Variants in MPPED1 observed in about 807,000 individuals in gnomAD.
MPPED1 encodes metallophosphoesterase domain containing 1, also known as metallophosphoesterase domain-containing protein 1.
Under a neutral mutation model 36.2 loss-of-function variants are expected in MPPED1, and 16 were observed. The observed-to-expected ratio is 0.44, with a 90% CI of 0.30 to 0.67. The LOEUF (loss-of-function observed/expected upper bound fraction) is 0.67. MPPED1 is among the 30% of genes least tolerant of loss of function. MPPED1 has a pLI of 0.10. For missense variants in MPPED1, 307 were observed against 453.4 expected (o/e 0.68, Z 2.93); for synonymous variants, 199 against 191.3 (o/e 1.04, Z -0.33).
At chr22:43,482,279 T>C (rs892585802) in intron 4 of MPPED1, among the ~76,000 whole-genome samples, 2 of 152,172 alleles carry the variant, frequency 1.3e-5, no homozygotes, top group Non-Finnish European at 2.9e-5. Flanking sequence ...TAATTACTTC[T>C]GGTATTTTGA....
intron 4 of MPPED1, among the ~76,000 whole-genome samples, chr22:43,480,288 T>C (rs957815584): frequency 6.6e-6 from 1 of 152,158 alleles, no homozygotes; most frequent in Non-Finnish European, 1.5e-5. Flanking sequence ...GGCAGGGGCC[T>C]GTGACTGTTG....
At chr22:43,451,252 G>T (rs928935652) in intron 3 of MPPED1, among the ~76,000 whole-genome samples, 2 of 152,066 alleles carry the variant, frequency 1.3e-5, no homozygotes, top group East Asian at 1.9e-4. Flanking sequence ...TGATCCACCC[G>T]CCTCGGCCTC....
intron 5 of MPPED1, among the ~76,000 whole-genome samples, chr22:43,500,846 G>C (rs1932712708): frequency 6.6e-6 from 1 of 152,210 alleles, no homozygotes; most frequent in South Asian, 2.1e-4. Context: ...GATGACTGCT[G>C]TTAGGCTGCA....
chr22:43,479,645 T>G (rs1288460953), intron 4 of MPPED1, among the ~76,000 whole-genome samples: 1 of 152,188 alleles, frequency 6.6e-6, no homozygotes, highest in African/African-American at 2.4e-5. Context: ...AGGGCCACAG[T>G]TCCTCTGCCT....
rs4331615 is a variant in MPPED1, at chr22:43,435,136, C to T, written c.327C>T (p.Tyr109=). Residue 109 remains tyrosine, a synonymous_variant, in exon 3 of 7, where the codon TAC becomes TAT. Transcript: ENST00000443721. ...GGACGGACCCCATCCAGATGCCGTACGGCGACGTGCTGATCCACGCTGGGG... is the reference window on the plus strand; with the variant it reads ...GGACGGACCCCATCCAGATGCCGTATGGCGACGTGCTGATCCACGCTGGGG... ...HSRTDPIQMP[Y]GDVLIHAGDF... is the part of the protein sequence containing the mutation. 0.5 allele frequency: 808,367 copies of T among 1,613,388 alleles called. 209,455 individuals carry two copies. Among genetic ancestry groups the T allele is most frequent in the Non-Finnish European group, 0.54 (633,282 of 1,179,768 alleles).
At chr22:43,488,656 C>T (rs549310082) in intron 4 of MPPED1, among the ~76,000 whole-genome samples, 40 of 152,156 alleles carry the variant, frequency 2.6e-4, no homozygotes, top group African/African-American at 8.9e-4. Flanking sequence ...TGGGTTTGTT[C>T]ACATTCTAAT....
chr22:43,502,874 CTTTGTAACT>C lies in MPPED1; in HGVS notation c.862+118_862+126del. On this transcript the variant is annotated intron_variant, in intron 6 of 6. Coordinates refer to ENST00000443721, the MANE Select transcript of MPPED1 (RefSeq NM_001044370.2). This position sits in a 1 kb window ranked among gnomAD's most constrained non-coding sequence, Gnocchi z 5.5. The stretch of plus-strand genomic sequence containing the variant: ...ATAAATAGCCCATTCCTACTGTTCG[CTTTGTAACT>C]GCTAACTGCCATACACACCCTGGCT... 2 of 829,782 alleles carry C rather than the reference CTTTGTAACT, an allele frequency of 2.4e-6. No homozygotes were observed. Among genetic ancestry groups the C allele is most frequent in the Non-Finnish European group, 4.0e-6 (2 of 494,978 alleles). 51.4% of individuals were successfully genotyped at this position (829,782 alleles called of 1,614,324 possible).
At chr22:43,462,064 C>T (rs1474296356) in intron 3 of MPPED1, among the ~76,000 whole-genome samples, 1 of 152,056 alleles carries the variant, frequency 6.6e-6, no homozygotes, top group Non-Finnish European at 1.5e-5. Flanking sequence ...AGCACTCGGA[C>T]CCTCAGAATC....
At chr22:43,470,147 T>C (rs944790775) in intron 3 of MPPED1, among the ~76,000 whole-genome samples, 6 of 151,106 alleles carry the variant, frequency 4.0e-5, no homozygotes, top group African/African-American at 1.5e-4. Context: ...TCCATCTATA[T>C]ATACATCTAT....
intron 2 of MPPED1, among the ~76,000 whole-genome samples, chr22:43,429,664 A>G (rs1351595344): frequency 6.6e-6 from 1 of 152,216 alleles, no homozygotes; most frequent in African/African-American, 2.4e-5. Flanking sequence ...AGGATTTCCC[A>G]AGCATCTCTC....
intron 4 of MPPED1, among the ~76,000 whole-genome samples, chr22:43,485,131 T>C (rs1931870663): frequency 6.6e-6 from 1 of 151,940 alleles, no homozygotes; most frequent in African/African-American, 2.4e-5. Flanking sequence ...CAATATCATG[T>C]ACACACAGAA....
chr22:43,439,782 C>T (rs1385992634), intron 3 of MPPED1, among the ~76,000 whole-genome samples: 1 of 152,226 alleles, frequency 6.6e-6, no homozygotes, highest in Non-Finnish European at 1.5e-5. Flanking sequence ...TCAACTTCAA[C>T]ACCAGCAGCA....
chr22:43,471,026 C>G (rs1931357417), intron 3 of MPPED1, among the ~76,000 whole-genome samples: 1 of 152,344 alleles, frequency 6.6e-6, no homozygotes, highest in African/African-American at 2.4e-5. Flanking sequence ...GCCCCATCCA[C>G]CCTTTTCTGG....
intron 3 of MPPED1, among the ~76,000 whole-genome samples, chr22:43,469,653 G>A (rs1931299593): frequency 6.6e-6 from 1 of 152,182 alleles, no homozygotes; most frequent in Non-Finnish European, 1.5e-5. Flanking sequence ...TTTAATTGGA[G>A]AAGATTCAGA....
chr22:43,445,776 C>G (rs1490594724), intron 3 of MPPED1, among the ~76,000 whole-genome samples: 1 of 151,546 alleles, frequency 6.6e-6, no homozygotes, highest in Non-Finnish European at 1.5e-5. Context: ...TACCATTTTG[C>G]CCAGGCTGGT....
At chr22:43,444,455 C>T (rs1451237725) in intron 3 of MPPED1, among the ~76,000 whole-genome samples, 2 of 150,936 alleles carry the variant, frequency 1.3e-5, no homozygotes, top group Non-Finnish European at 2.9e-5. Flanking sequence ...CAACCTCCCC[C>T]TCCCGGGTTC....
At chr22:43,415,414 T>C (rs1929046417) in intron 1 of MPPED1, among the ~76,000 whole-genome samples, 1 of 152,098 alleles carries the variant, frequency 6.6e-6, no homozygotes, top group South Asian at 2.1e-4. Context: ...ATTTTGACTT[T>C]TTTCCCCCTA....
intron 4 of MPPED1, among the ~76,000 whole-genome samples, chr22:43,476,125 A>G (rs562563214): frequency 6.6e-6 from 1 of 151,990 alleles, no homozygotes; most frequent in Non-Finnish European, 1.5e-5. Context: ...TTTCTGAGCA[A>G]TTACAGTAAT....
intron 3 of MPPED1, among the ~76,000 whole-genome samples, chr22:43,462,061 G>A (rs552534073): frequency 2.6e-5 from 4 of 152,130 alleles, no homozygotes; most frequent in Middle Eastern, 3.4e-3. Flanking sequence ...CCCAGCACTC[G>A]GACCCTCAGA....
Sources: gnomAD v4.1 joint callset for allele counts (sites outside exome capture counted in the v4.1 genomes callset) on GRCh38, gnomAD v4.1.1 for gene constraint, Gnocchi (gnomAD v3.1) non-coding constraint, MANE v1.5 for transcripts, NCBI Gene and HGNC (gene_info 2026-07-23, HGNC 2026-07-21) for gene names.